Variants in ERICH3 observed in about 807,000 individuals in gnomAD.
ERICH3 encodes glutamate rich 3, also known as glutamate-rich protein 3.
ERICH3 carries 126 observed loss-of-function variants against 131.1 expected under a neutral mutation model. The ratio of observed to expected loss-of-function variants is 0.96; its 90% CI spans 0.83 to 1.11. The LOEUF (loss-of-function observed/expected upper bound fraction) is 1.11. Ranked by LOEUF, ERICH3 falls within the 50% of genes most tolerant of loss-of-function variation. ERICH3 has a pLI of 0.00. For synonymous variants in ERICH3, 695 were observed against 644.6 expected, an observed-to-expected ratio of 1.08 and a Z score of -1.18; for missense variants, 2,050 against 1,810.7, an observed-to-expected ratio of 1.13 and a Z score of -2.40.
At position 74,573,128 on chromosome 1, in the gene ERICH3, T is replaced by C. The variant is rs755460357; in HGVS notation, c.2582A>G (p.Gln861Arg). The C allele has an allele frequency of 1.2e-6, 2 of 1,613,964 alleles. No homozygotes were observed. The highest frequency in any genetic ancestry group is 1.7e-6 in the Non-Finnish European group (2 of 1,179,920). Reference sequence around the variant, plus strand: ...ACCCACAGCATCTTTTGCTGCTGCTTGTCCTATGGGGTCTGACCCCCCTTC... The same window carrying C: ...ACCCACAGCATCTTTTGCTGCTGCTCGTCCTATGGGGTCTGACCCCCCTTC... ...LGEGGSDPIG[Q>R]AAAKDAVGLS... Residue 861 changes from glutamine (Q) to arginine (R), a missense_variant, in exon 14 of 15, where the codon CAA becomes CGA. Transcript: ENST00000326665.
intron 8 of ERICH3, among the ~76,000 whole-genome samples, chr1:74,616,818 C>T (rs1648986280): frequency 6.6e-6 from 1 of 152,070 alleles, no homozygotes; most frequent in African/African-American, 2.4e-5. Context: ...CATGTGAACA[C>T]AGAGGCAGAT....
At chr1:74,634,399 C>T (rs1557693449) in intron 6 of ERICH3, among the ~76,000 whole-genome samples, 1 of 152,086 alleles carries the variant, frequency 6.6e-6, no homozygotes, top group Non-Finnish European at 1.5e-5. Flanking sequence ...CTTGTCAGCA[C>T]ATGACAGCTA....
chr1:74,601,305 T>C (rs1648118718), intron 10 of ERICH3, among the ~76,000 whole-genome samples: 2 of 151,796 alleles, frequency 1.3e-5, no homozygotes, highest in African/African-American at 4.8e-5. Context: ...AATAAGCCTA[T>C]TTTTTGAGAA....
At chr1:74,580,252 A>G (rs547259444) in intron 12 of ERICH3, among the ~76,000 whole-genome samples, 32 of 152,214 alleles carry the variant, frequency 2.1e-4, no homozygotes, top group African/African-American at 6.7e-4. Flanking sequence ...TATTGTGACT[A>G]TTTTCCCATA....
chr1:74,665,529 A>T (rs1646683501), intron 1 of ERICH3, among the ~76,000 whole-genome samples: 1 of 152,222 alleles, frequency 6.6e-6, no homozygotes, highest in South Asian at 2.1e-4. Flanking sequence ...GGGCTGCGAT[A>T]ACAAGGCATC....
intron 12 of ERICH3, chr1:74,586,426 C>T: frequency 1.0e-6 from 1 of 984,030 alleles, no homozygotes; most frequent in Non-Finnish European, 1.2e-6. Flanking sequence ...AATTGCTATC[C>T]ACCGTTATCC....
intron 12 of ERICH3, among the ~76,000 whole-genome samples, chr1:74,588,735 C>T (rs17095646): frequency 0.011 from 1,713 of 152,164 alleles, 32 homozygotes; most frequent in African/African-American, 0.039. Flanking sequence ...CAATCCAGCT[C>T]TCCACAGGAC....
At chr1:74,614,953 G>C (rs1648891642) in intron 8 of ERICH3, among the ~76,000 whole-genome samples, 1 of 152,104 alleles carries the variant, frequency 6.6e-6, no homozygotes, top group African/African-American at 2.4e-5. Context: ...AAACCATTCT[G>C]CTGCAGTATC....
chr1:74,590,129 G>A (rs1253041112), intron 11 of ERICH3, 49 bp from the exon 12 acceptor site: 7 of 1,406,682 alleles, frequency 5.0e-6, no homozygotes, highest in South Asian at 2.9e-5. Context: ...TAAAGCAATT[G>A]GTTTAATTGT....
intron 13 of ERICH3, 140 bp downstream of exon 13, chr1:74,576,755 A>C (rs1647062974): frequency 5.6e-6 from 4 of 711,686 alleles, no homozygotes. Context: ...AAATATATTC[A>C]AATAAGCACA....
chr1:74,591,268 G>A (rs1647586583), intron 11 of ERICH3, among the ~76,000 whole-genome samples: 1 of 152,192 alleles, frequency 6.6e-6, no homozygotes, highest in African/African-American at 2.4e-5. Flanking sequence ...AGTAGCAGAA[G>A]CAAGGGAAGG....
chr1:74,634,039 C>A (rs1646365352), intron 6 of ERICH3, among the ~76,000 whole-genome samples: 1 of 152,010 alleles, frequency 6.6e-6, no homozygotes. Flanking sequence ...ATCTGTTGTA[C>A]CTTCAAGTAC....
At chr1:74,617,568 C>A (rs1268414495) in intron 8 of ERICH3, among the ~76,000 whole-genome samples, 1 of 152,130 alleles carries the variant, frequency 6.6e-6, no homozygotes, top group Non-Finnish European at 1.5e-5. Flanking sequence ...AAAAACATTA[C>A]GCTAAGTGAG....
At chr1:74,641,510 T>C in intron 4 of ERICH3, 51 bp from the exon 5 acceptor site, 1 of 1,558,654 alleles carries the variant, frequency 6.4e-7, no homozygotes, top group Non-Finnish European at 8.8e-7. Flanking sequence ...GTAATCTAGG[T>C]TAGATTATGC....
At chr1:74,608,754 T>G (rs1054953292) in intron 9 of ERICH3, among the ~76,000 whole-genome samples, 2 of 152,106 alleles carry the variant, frequency 1.3e-5, no homozygotes, top group African/African-American at 4.8e-5. Context: ...TTGACTATAA[T>G]GATGATGTGC....
intron 9 of ERICH3, among the ~76,000 whole-genome samples, chr1:74,608,228 G>A (rs1648494604): frequency 6.6e-6 from 1 of 151,972 alleles, no homozygotes; most frequent in African/African-American, 2.4e-5. Flanking sequence ...CACTCTCTCA[G>A]CAGACACTAA....
intron 2 of ERICH3, among the ~76,000 whole-genome samples, chr1:74,648,375 T>A (rs1646503209): frequency 1.3e-5 from 2 of 152,078 alleles, no homozygotes; most frequent in Non-Finnish European, 2.9e-5. Flanking sequence ...ATTTTACAAT[T>A]GAGGAAGTTG....
chr1:74,573,618 AT>A, intron 13 of ERICH3, 127 bp from the exon 14 acceptor site: 1 of 1,119,868 alleles, frequency 8.9e-7, no homozygotes, highest in East Asian at 3.1e-5. Context: ...AGGCCATTGT[AT>A]TATATATAAA....
At chr1:74,673,417 C>A in intron 1 of ERICH3, 80 bp downstream of exon 1, 2 of 1,563,244 alleles carry the variant, frequency 1.3e-6, no homozygotes, top group Admixed American at 1.7e-5. Context: ...CCCTTCCCTC[C>A]GCAGCAGGAG....
Sources: allele counts gnomAD v4.1 joint callset (sites outside exome capture counted in the v4.1 genomes callset), GRCh38; gene constraint gnomAD v4.1.1; transcripts MANE v1.5; gene names NCBI Gene and HGNC (gene_info 2026-07-23, HGNC 2026-07-21).